SYNJ1: variants seen among roughly 807,000 people sequenced by gnomAD.
SYNJ1 encodes polyphosphatidylinositol phosphatase SYNJ1.
A neutral mutation model predicts 168.2 loss-of-function variants in SYNJ1; 78 were observed. That is an observed-to-expected ratio of 0.46 (90% CI 0.39 to 0.56). SYNJ1 has a LOEUF of 0.56. Ranked by LOEUF, SYNJ1 falls within the 20% of genes least tolerant of loss-of-function variation. SYNJ1 has a pLI of 0.00. For synonymous variants in SYNJ1, 539 were observed against 548.6 expected (o/e 0.98, Z 0.24); for missense variants, 1,303 against 1,597.6 (o/e 0.82, Z 3.14).
chr21:32,634,604 C>T (rs1448744269), intron 32 of SYNJ1, among the ~76,000 whole-genome samples: 1 of 152,078 alleles, frequency 6.6e-6, no homozygotes, highest in Non-Finnish European at 1.5e-5. Context: ...CTTGAAGTTA[C>T]ACTTTTTAGT....
At chr21:32,666,844 ACTTTTTC>A (rs1235650311) in intron 15 of SYNJ1, among the ~76,000 whole-genome samples, 1 of 152,226 alleles carries the variant, frequency 6.6e-6, no homozygotes, top group Non-Finnish European at 1.5e-5. Context: ...TATACATTTT[ACTTTTTC>A]CTTAAGTATT....
At chr21:32,724,580 G>T (rs2043374824) in intron 2 of SYNJ1, among the ~76,000 whole-genome samples, 1 of 152,242 alleles carries the variant, frequency 6.6e-6, no homozygotes, top group African/African-American at 2.4e-5. Context: ...AATTCAGGGA[G>T]CTGGGATTAT....
intron 4 of SYNJ1, among the ~76,000 whole-genome samples, chr21:32,696,624 C>A (rs1456187010): frequency 6.6e-6 from 1 of 152,158 alleles, no homozygotes; most frequent in East Asian, 1.9e-4. Flanking sequence ...AAGTGGAATT[C>A]TTCTACTTAA....
At chr21:32,689,131 A>G (rs2041933908) in intron 6 of SYNJ1, among the ~76,000 whole-genome samples, 1 of 152,250 alleles carries the variant, frequency 6.6e-6, no homozygotes. Context: ...TGAGAAAGAT[A>G]TAACATGCCA....
chr21:32,725,122 ATAAG>A (rs2146417419), intron 2 of SYNJ1, among the ~76,000 whole-genome samples: 1 of 152,324 alleles, frequency 6.6e-6, no homozygotes, highest in South Asian at 2.1e-4. Context: ...TCTAAAAACT[ATAAG>A]TAATACACAG....
chr21:32,679,067 C>G (rs527548375), intron 11 of SYNJ1, among the ~76,000 whole-genome samples: 1 of 152,130 alleles, frequency 6.6e-6, no homozygotes, highest in African/African-American at 2.4e-5. Flanking sequence ...TCTAGGGCAA[C>G]AAATGTTTAA....
chr21:32,665,081 A>G lies in SYNJ1; in HGVS notation c.2146-10T>C. The stretch of plus-strand genomic sequence containing the variant: ...AAAATAGCATCCTTCCCTGAAAGCA[A>G]TGAGATAGAATTTTAAATTCAAAAC... On this transcript the variant is annotated splice_polypyrimidine_tract_variant and intron_variant, in intron 17 of 32. Transcript: ENST00000674351. 6.4e-7 allele frequency: 1 copy of G among 1,571,538 alleles called. No homozygotes were observed. Among genetic ancestry groups the G allele is most frequent in the South Asian group, 1.2e-5 (1 of 86,570 alleles).
intron 2 of SYNJ1, among the ~76,000 whole-genome samples, chr21:32,724,959 T>C (rs1277097849): frequency 6.6e-6 from 1 of 152,210 alleles, no homozygotes; most frequent in Non-Finnish European, 1.5e-5. Flanking sequence ...TTAATATTCT[T>C]TCTCCTTAGA....
At chr21:32,646,656 T>G in intron 23 of SYNJ1, 54 bp from the exon 24 acceptor site, 1 of 1,417,686 alleles carries the variant, frequency 7.1e-7, no homozygotes, top group Non-Finnish European at 9.9e-7. Context: ...TGCTCAGAGA[T>G]TTTTTTCACC....
chr21:32,673,641 G>T, intron 13 of SYNJ1, 110 bp from the exon 14 acceptor site: 1 of 904,530 alleles, frequency 1.1e-6, no homozygotes, highest in Non-Finnish European at 1.5e-6. Context: ...ATTATCACAA[G>T]CACAAACAAG....
At chr21:32,646,853 T>G (rs752867247) in intron 23 of SYNJ1, among the ~76,000 whole-genome samples, 13 of 152,130 alleles carry the variant, frequency 8.5e-5, no homozygotes, top group African/African-American at 1.2e-4. Flanking sequence ...GGAGCTGGGG[T>G]GACCCAATGG....
In SYNJ1 at chr21:32,685,861, A is replaced by G. The variant is rs1427750268; in HGVS notation, c.1005T>C (p.Tyr335=). Residue 335 remains tyrosine (Y), a synonymous_variant, in exon 9 of 33, where the codon TAT becomes TAC. Transcript: ENST00000674351. Reference sequence around the variant, plus strand: ...CCTTTCCTCCCTTAACCATTTGATGATAGTCAAAATTCACCATCTGGATAT... The same window carrying G: ...CCTTTCCTCCCTTAACCATTTGATGGTAGTCAAAATTCACCATCTGGATAT... ...AADIQMVNFD[Y]HQMVKGGKAE... 1.9e-6 allele frequency: 3 copies of G among 1,613,052 alleles called. No individual in the cohort carries two copies. The South Asian group carries it at 3.3e-5, about 18-fold the overall frequency.
chr21:32,717,365 A>C (rs1385127751), intron 2 of SYNJ1, among the ~76,000 whole-genome samples: 1 of 152,202 alleles, frequency 6.6e-6, no homozygotes, highest in Non-Finnish European at 1.5e-5. Flanking sequence ...TGTCTATTAC[A>C]GCATCTGTTT....
At chr21:32,701,841 T>C in intron 3 of SYNJ1, 120 bp downstream of exon 3, 1 of 672,934 alleles carries the variant, frequency 1.5e-6, no homozygotes, top group Admixed American at 2.9e-5. Context: ...TAAAAGATGT[T>C]AGCACATGTG....
At chr21:32,709,501 A>G (rs1390608999) in intron 2 of SYNJ1, among the ~76,000 whole-genome samples, 2 of 124,262 alleles carry the variant, frequency 1.6e-5, no homozygotes, top group Non-Finnish European at 3.5e-5. Flanking sequence ...AAAAAAAAAA[A>G]GAAAGAGATT....
intron 28 of SYNJ1, 63 bp from the exon 29 acceptor site, chr21:32,642,029 T>C: frequency 6.2e-7 from 1 of 1,613,102 alleles, no homozygotes; most frequent in Non-Finnish European, 8.5e-7. Context: ...ACCATGTACT[T>C]ATATTCCAAG....
In SYNJ1 at chr21:32,699,981, A is replaced by G. The variant is rs772632049; in HGVS notation, c.336T>C (p.Asp112=). 5.6e-6 allele frequency: 9 copies of G among 1,614,208 alleles called. No homozygotes were observed. The East Asian group carries it at 2.0e-4, about 36-fold the overall frequency. The part of the protein sequence containing the change: ...EFISLRIDSS[D]EDRISEVRKV... ...TCCGCACTTCTGAAATGCGATCCTC[A>G]TCTGAAGAATCGATTCGCAGTGATA... is the stretch of plus-strand genomic sequence containing the variant. The change falls in exon 4 of 33, where the codon GAT becomes GAC. Residue 112 remains aspartate, a synonymous_variant. Coordinates refer to ENST00000674351, the MANE Select transcript of SYNJ1 (RefSeq NM_203446.3).
intron 15 of SYNJ1, among the ~76,000 whole-genome samples, chr21:32,668,862 C>T (rs2041064988): frequency 6.6e-6 from 1 of 152,208 alleles, no homozygotes. Context: ...ACATCTTTCA[C>T]TGTGTTGACT....
intron 4 of SYNJ1, among the ~76,000 whole-genome samples, chr21:32,697,688 C>T (rs1458307641): frequency 6.6e-6 from 1 of 152,198 alleles, no homozygotes; most frequent in African/African-American, 2.4e-5. Flanking sequence ...GTGGTCCCAG[C>T]TACCCAGGAG....
Sources: gnomAD v4.1 joint callset for allele counts (sites outside exome capture counted in the v4.1 genomes callset) on GRCh38, gnomAD v4.1.1 for gene constraint, MANE v1.5 for transcripts, NCBI Gene and HGNC (gene_info 2026-07-23, HGNC 2026-07-21) for gene names.